Variants in SLC6A17 observed in about 807,000 individuals in gnomAD.
SLC6A17 encodes the protein sodium-dependent neutral amino acid transporter SLC6A17.
SLC6A17 carries 21 observed loss-of-function variants against 64.5 expected under a neutral mutation model. The ratio of observed to expected loss-of-function variants is 0.33; its 90% confidence interval spans 0.23 to 0.47. The LOEUF is 0.47. Ranked by LOEUF, SLC6A17 falls within the 20% of genes least tolerant of loss-of-function variation. The pLI, the probability that SLC6A17 is intolerant of heterozygous loss-of-function variation, is 1.00. For synonymous variants in SLC6A17, 372 were observed against 399.5 expected, an observed-to-expected ratio of 0.93 and a Z score of 0.82; for missense variants, 682 against 963.2, an observed-to-expected ratio of 0.71 and a Z score of 3.86.
At chr1:110,181,106 C>G (rs558893230) in intron 6 of SLC6A17, among the ~76,000 whole-genome samples, 2 of 152,286 alleles carry the variant, frequency 1.3e-5, no homozygotes, top group Admixed American at 6.5e-5. Flanking sequence ...TTCTTGAATT[C>G]CTCGGGCAGC....
At chr1:110,153,550 T>C (rs919799813) in intron 1 of SLC6A17, among the ~76,000 whole-genome samples, 1 of 151,698 alleles carries the variant, frequency 6.6e-6, no homozygotes, top group Non-Finnish European at 1.5e-5. Flanking sequence ...TGTGTGTGTG[T>C]GCATTGCATT....
At chr1:110,160,757 T>A (rs1455875136) in intron 1 of SLC6A17, among the ~76,000 whole-genome samples, 1 of 151,998 alleles carries the variant, frequency 6.6e-6, no homozygotes, top group East Asian at 1.9e-4. Context: ...GTGAGTGGGC[T>A]GGGAGGAAGT....
intron 1 of SLC6A17, among the ~76,000 whole-genome samples, chr1:110,157,903 T>G (rs918579675): frequency 6.4e-4 from 98 of 152,246 alleles, no homozygotes; most frequent in African/African-American, 2.3e-3. Context: ...TGGCCCACTC[T>G]CTCACTCCGT....
intron 1 of SLC6A17, among the ~76,000 whole-genome samples, chr1:110,152,148 T>C (rs1655626946): frequency 6.6e-6 from 1 of 152,214 alleles, no homozygotes; most frequent in Admixed American, 6.5e-5. Context: ...CATTATCCCA[T>C]GGCTCTGTGA....
intron 1 of SLC6A17, among the ~76,000 whole-genome samples, chr1:110,159,544 G>A (rs1655850453): frequency 6.6e-6 from 1 of 152,210 alleles, no homozygotes; most frequent in African/African-American, 2.4e-5. Context: ...CTCCTCAGCT[G>A]GATTTCTTGT....
intron 3 of SLC6A17, among the ~76,000 whole-genome samples, chr1:110,173,123 T>C (rs985020903): frequency 6.6e-6 from 1 of 152,230 alleles, no homozygotes; most frequent in Non-Finnish European, 1.5e-5. Flanking sequence ...AGTGTGTGTA[T>C]GGTCTCCCAC....
chr1:110,165,860 G>A (rs911880319), intron 1 of SLC6A17, among the ~76,000 whole-genome samples: 2 of 152,196 alleles, frequency 1.3e-5, no homozygotes, highest in Non-Finnish European at 2.9e-5. Flanking sequence ...GCAGGCTGGG[G>A]TGTGTGTGTT....
rs540104532 is a variant in SLC6A17, at chr1:110,161,861, C to T, written c.-87-4982C>T. ...TCCCCCACCACCTTGAGCTTATTGC[C>T]GGATGCTGTGCTTGAAAAATTTTCG... On this transcript the variant is annotated intron_variant, in intron 1 of 11. Transcript: ENST00000331565. Among the ~76,000 whole-genome samples, 25 of 152,336 alleles carry T rather than the reference C, an allele frequency of 1.6e-4. No homozygotes were observed. In the South Asian group the frequency reaches 3.5e-3, roughly 21 times the overall value.
chr1:110,154,423 T>C (rs1301181268), intron 1 of SLC6A17, among the ~76,000 whole-genome samples: 2 of 152,230 alleles, frequency 1.3e-5, no homozygotes, highest in East Asian at 1.9e-4. Flanking sequence ...TCTAGAGCTG[T>C]GGGTCCAGTT....
intron 8 of SLC6A17, among the ~76,000 whole-genome samples, chr1:110,194,232 G>A (rs1220227482): frequency 1.3e-5 from 2 of 152,192 alleles, no homozygotes; most frequent in African/African-American, 4.8e-5. Flanking sequence ...CCACAGTGTG[G>A]CTGGAGCAAT....
chr1:110,161,703 G>A (rs931786846), intron 1 of SLC6A17, among the ~76,000 whole-genome samples: 1 of 152,162 alleles, frequency 6.6e-6, no homozygotes, highest in African/African-American at 2.4e-5. Flanking sequence ...AAACACCCCA[G>A]GCCCAGGAGG....
chr1:110,196,695 A>T (rs1656979192), intron 10 of SLC6A17, among the ~76,000 whole-genome samples: 1 of 152,204 alleles, frequency 6.6e-6, no homozygotes, highest in South Asian at 2.1e-4. Context: ...AAAATTTGTG[A>T]TATAGTAATG....
chr1:110,151,614 C>T (rs933875844), intron 1 of SLC6A17, among the ~76,000 whole-genome samples: 2 of 152,148 alleles, frequency 1.3e-5, no homozygotes, highest in Non-Finnish European at 2.9e-5. Context: ...GCTCGCAGTA[C>T]TATGGGTGGG....
intron 2 of SLC6A17, among the ~76,000 whole-genome samples, chr1:110,168,741 A>T (rs574942566): frequency 1.3e-5 from 2 of 152,364 alleles, no homozygotes; most frequent in South Asian, 4.1e-4. Context: ...TTTCTAGCTT[A>T]GATGATCAGT....
chr1:110,194,621 G>A lies in SLC6A17; in HGVS notation c.1342G>A (p.Ala448Thr), dbSNP rs1277523904. The A allele has an allele frequency of 6.2e-7, 1 of 1,614,156 alleles. No homozygotes were observed. The highest frequency in any genetic ancestry group is 8.5e-7 in the Non-Finnish European group (1 of 1,180,042). Residue 448 changes from alanine (A) to threonine (T), a missense_variant, in exon 9 of 12, where the codon GCC (alanine) becomes ACC (threonine). Around this residue, in one of 3 missense-constraint regions of SLC6A17, gnomAD observed 415 missense variants for 603.8 expected, o/e 0.69. Coordinates refer to ENST00000331565, the MANE Select transcript of SLC6A17 (RefSeq NM_001010898.4). ...TGLAFIAFTE[A>T]MTHFPASPFW... ...CCTGGCCTTCATCGCCTTCACTGAG[G>A]CCATGACGCACTTCCCCGCCTCCCC... is the stretch of plus-strand genomic sequence containing the variant.
intron 1 of SLC6A17, among the ~76,000 whole-genome samples, chr1:110,159,272 G>C (rs577184197): frequency 6.0e-4 from 91 of 152,098 alleles, no homozygotes; most frequent in Non-Finnish European, 1.1e-3. Context: ...GCATGGGTTG[G>C]GGGGGTGCTT....
Position 110,192,792 on chromosome 1 carries a change from A to G in SLC6A17, c.1299+94A>G. The G allele has an allele frequency of 7.5e-7, 1 of 1,335,626 alleles. No individual in the cohort carries two copies. The highest frequency in any genetic ancestry group is 1.0e-6 in the Non-Finnish European group (1 of 983,988). 82.7% of individuals were successfully genotyped at this position (1,335,626 alleles called of 1,614,324 possible). On this transcript the variant is annotated intron_variant, in intron 8 of 11. Transcript: ENST00000331565. This position sits in a 1 kb window ranked among gnomAD's most constrained non-coding sequence, Gnocchi z 4.3. ...TGGGCTCAGGCCTCAGGATGCTGACAGGTAGTCATTAGTTTACTTGGTAAG... is the reference window on the plus strand; with the variant it reads ...TGGGCTCAGGCCTCAGGATGCTGACGGGTAGTCATTAGTTTACTTGGTAAG...
intron 1 of SLC6A17, among the ~76,000 whole-genome samples, chr1:110,154,541 G>A (rs1655704417): frequency 6.6e-6 from 1 of 152,178 alleles, no homozygotes; most frequent in African/African-American, 2.4e-5. Context: ...ATGGTATTTG[G>A]CTCCAGGTGG....
intron 1 of SLC6A17, among the ~76,000 whole-genome samples, chr1:110,160,508 C>T (rs1425350018): frequency 6.6e-6 from 1 of 152,230 alleles, no homozygotes; most frequent in African/African-American, 2.4e-5. Context: ...GCTGAATGCA[C>T]CTTCGCTCCT....
Sources: gnomAD v4.1 joint callset for allele counts (sites outside exome capture counted in the v4.1 genomes callset) on GRCh38, gnomAD v4.1.1 for gene constraint, gnomAD v4.1.1 regional missense constraint, Gnocchi (gnomAD v3.1) non-coding constraint, MANE v1.5 for transcripts, NCBI Gene and HGNC (gene_info 2026-07-23, HGNC 2026-07-21) for gene names.